The following CFI variants were observed in gnomAD, a reference collection of about 807,000 sequenced individuals.
CFI encodes the protein C3B/C4B inactivator.
Under a neutral mutation model 78.8 loss-of-function variants are expected in CFI, and 66 were observed. The observed-to-expected ratio is 0.84, with a 90% confidence interval of 0.69 to 1.03. The LOEUF is 1.03. Ranked by LOEUF, CFI falls within the 50% of genes least tolerant of loss-of-function variation. The pLI is 0.00. For missense variants in CFI, 706 were observed against 704.5 expected (o/e 1.00, Z -0.02); for synonymous variants, 250 against 232.6 (o/e 1.07, Z -0.68).
intron 10 of CFI, 92 bp from the exon 11 acceptor site, chr4:109,746,594 AACCT>A: frequency 9.1e-7 from 1 of 1,104,064 alleles, no homozygotes; most frequent in Admixed American, 2.8e-5. Flanking sequence ...CCCTTTTAAA[AACCT>A]TTTTCATTTC....
At position 109,800,319 on chromosome 4, in the gene CFI, CTG is replaced by C. The variant is rs546008310; in HGVS notation, c.57+1594_57+1595del. Among the ~76,000 whole-genome samples the C allele has an allele frequency of 4.2e-3, 426 of 102,086 alleles. 8 individuals are homozygous for C. Among genetic ancestry groups the C allele is most frequent in the African/African-American group, 0.016 (397 of 25,440 alleles). 67.0% of individuals were successfully genotyped at this position (102,086 alleles called of 152,430 possible). On this transcript the variant is annotated intron_variant, in intron 1 of 12. Coordinates refer to ENST00000394634, the MANE Select transcript of CFI (RefSeq NM_000204.5). ...ATGTTGACTGAAATATTTGGCTTCT[CTG>C]TTTTTTTTTTTTTTTTTTTTTTTTT...
rs549627228 is a variant in CFI, at chr4:109,740,919, G to A, written c.1726C>T (p.Pro576Ser). ...FDWISYHVGR[P>S]FISQYNV ...TATACATTGTACTGAGAAATAAAAGGCCTTCCTACATGGTAGCTAATCCAG... is the reference window on the plus strand; with the variant it reads ...TATACATTGTACTGAGAAATAAAAGACCTTCCTACATGGTAGCTAATCCAG... The change falls in exon 13 of 13, where the codon CCT becomes TCT. Residue 576 changes from proline (P) to serine (S), a missense_variant. Coordinates refer to ENST00000394634, the MANE Select transcript of CFI (RefSeq NM_000204.5). 4.0e-5 allele frequency: 65 copies of A among 1,614,000 alleles called. 2 individuals carry two copies. The South Asian group carries it at 7.0e-4, about 17-fold the overall frequency.
intron 3 of CFI, among the ~76,000 whole-genome samples, chr4:109,763,511 A>G (rs1357539166): frequency 2.0e-5 from 3 of 152,150 alleles, no homozygotes; most frequent in Admixed American, 6.5e-5. Flanking sequence ...AGTAAGTATA[A>G]TAAGGTAAAT....
rs1229959521 is a variant in CFI, at chr4:109,749,448, A to G, written c.1044+51T>C. Reference sequence around the variant, plus strand: ...TCATCCTCCTGCCCCTTTCCCCCCAAATTTAGGCTGTTTCTGGGCAGTTGC... The same window carrying G: ...TCATCCTCCTGCCCCTTTCCCCCCAGATTTAGGCTGTTTCTGGGCAGTTGC... On this transcript the variant is annotated intron_variant, in intron 9 of 12. Coordinates refer to ENST00000394634, the MANE Select transcript of CFI (RefSeq NM_000204.5). 5 of 1,531,402 alleles carry G rather than the reference A, an allele frequency of 3.3e-6. No homozygotes were observed. The South Asian group carries it at 3.4e-5, about 10-fold the overall frequency. 94.9% of individuals were successfully genotyped at this position (1,531,402 alleles called of 1,614,324 possible). A position where few individuals can be genotyped will look rare whatever the true frequency, so the allele number is the denominator to read the frequency against.
intron 1 of CFI, chr4:109,794,218 A>G (rs565870338): frequency 6.6e-6 from 1 of 152,148 alleles, no homozygotes; most frequent in African/African-American, 2.4e-5. Flanking sequence ...TTCTTCATAT[A>G]TTCTCTCTTA....
chr4:109,731,635 A>T, the CFI span, among the ~76,000 whole-genome samples: 1 of 152,198 alleles, frequency 6.6e-6, no homozygotes, highest in Admixed American at 6.5e-5. Context: ...GGGTAGCCCA[A>T]CAAACGGTGT....
intron 11 of CFI, among the ~76,000 whole-genome samples, chr4:109,743,523 T>C (rs1449120641): frequency 1.3e-5 from 2 of 152,204 alleles, no homozygotes; most frequent in Non-Finnish European, 2.9e-5. Flanking sequence ...CATCCCCTTG[T>C]TTGTTGACTG....
chr4:109,753,554 TATAAATAA>T (rs1313517812), intron 7 of CFI, among the ~76,000 whole-genome samples: 11 of 22,736 alleles, frequency 4.8e-4, no homozygotes, highest in East Asian at 1.7e-3. Flanking sequence ...ATATTTATTA[TATAAATAA>T]ATATTTATAA....
chr4:109,785,876 C>T (rs1262872483), intron 1 of CFI, among the ~76,000 whole-genome samples: 3 of 152,020 alleles, frequency 2.0e-5, no homozygotes, highest in Non-Finnish European at 1.5e-5. Context: ...AGGTGCCTTG[C>T]TTCCTCTTCA....
chr4:109,746,055 C>A (rs776034151), intron 11 of CFI, among the ~76,000 whole-genome samples, 167 bp downstream of exon 11: 3 of 152,168 alleles, frequency 2.0e-5, no homozygotes, highest in Non-Finnish European at 4.4e-5. Flanking sequence ...GGGTGCTGGG[C>A]AGCTGCACAT....
chr4:109,744,995 A>G (rs1724234982), intron 11 of CFI, among the ~76,000 whole-genome samples: 1 of 152,202 alleles, frequency 6.6e-6, no homozygotes, highest in Non-Finnish European at 1.5e-5. Context: ...GTATTCAGAC[A>G]TACCACAAAT....
chr4:109,734,515 G>A, the CFI span, among the ~76,000 whole-genome samples: 2 of 152,092 alleles, frequency 1.3e-5, no homozygotes, highest in African/African-American at 4.8e-5. Context: ...TAGAAATGGC[G>A]ATTACAGGCA....
intron 7 of CFI, among the ~76,000 whole-genome samples, chr4:109,756,973 G>GA (rs1214168747): frequency 7.2e-6 from 1 of 138,684 alleles, no homozygotes; most frequent in African/African-American, 2.7e-5. Flanking sequence ...AAGAAAGAAA[G>GA]AAAGAAATTC....
chr4:109,753,063 TAA>T (rs372171480), intron 7 of CFI, among the ~76,000 whole-genome samples: 12 of 22,154 alleles, frequency 5.4e-4, no homozygotes, highest in Middle Eastern at 0.016. Flanking sequence ...TATTTATATA[TAA>T]ATAAATATTT....
At chr4:109,746,144 G>A (rs568395725) in intron 11 of CFI, 78 bp downstream of exon 11, 1 of 1,506,450 alleles carries the variant, frequency 6.6e-7, no homozygotes, top group East Asian at 2.3e-5. Context: ...TGAGTGCTAG[G>A]AAATTAGCTC....
At chr4:109,758,668 A>G (rs1245732214) in intron 6 of CFI, among the ~76,000 whole-genome samples, 1 of 152,248 alleles carries the variant, frequency 6.6e-6, no homozygotes, top group Admixed American at 6.5e-5. Flanking sequence ...ACCATTAGGC[A>G]AAAGATTGTG....
In CFI at chr4:109,753,462, TATTTATATTAATAA is replaced by T. The variant is rs1264304933; in HGVS notation, c.905-973_905-960del. On this transcript the variant is annotated intron_variant, in intron 7 of 12. Coordinates refer to ENST00000394634, the MANE Select transcript of CFI (RefSeq NM_000204.5). Reference sequence around the variant, plus strand: ...ATTATATAATAAATATTTATATATATATTTATATTAATAAATATTTATAATAAATATTTATAATA... The same window carrying T: ...ATTATATAATAAATATTTATATATATATATTTATAATAAATATTTATAATA... 1.5e-4 allele frequency among the ~76,000 whole-genome samples: 14 copies of T among 92,184 alleles called. 4 individuals carry two copies. The highest frequency in any genetic ancestry group is 6.3e-4 in the African/African-American group (14 of 22,268). The allele number at this position is 92,184 out of a possible 152,430, so 60.5% of individuals were successfully genotyped here. A position where few individuals can be genotyped will look rare whatever the true frequency, so the allele number is the denominator to read the frequency against.
At chr4:109,786,060 A>T (rs72674887) in intron 1 of CFI, among the ~76,000 whole-genome samples, 1 of 151,984 alleles carries the variant, frequency 6.6e-6, no homozygotes, top group Non-Finnish European at 1.5e-5. Flanking sequence ...AACAAAAAAA[A>T]CCAAAGTCTA....
intron 1 of CFI, among the ~76,000 whole-genome samples, chr4:109,793,106 T>C (rs1464197089): frequency 6.6e-6 from 1 of 152,236 alleles, no homozygotes; most frequent in Non-Finnish European, 1.5e-5. Flanking sequence ...CAGTTCTCTC[T>C]TTATTTCCTT....
Sources: allele counts gnomAD v4.1 joint callset (sites outside exome capture counted in the v4.1 genomes callset), GRCh38; gene constraint gnomAD v4.1.1; transcripts MANE v1.5; gene names NCBI Gene and HGNC (gene_info 2026-07-23, HGNC 2026-07-21).